The following ADGRB3 variants were observed in gnomAD, a reference collection of about 807,000 sequenced individuals.
ADGRB3 encodes adhesion G protein-coupled receptor B3, also known as brain-specific angiogenesis inhibitor 3.
Under a neutral mutation model 193.4 loss-of-function variants are expected in ADGRB3, and 37 were observed. That is an observed-to-expected ratio of 0.19 (90% CI 0.15 to 0.25). ADGRB3 has a LOEUF of 0.25. Among genes scored for constraint, ADGRB3 ranks in the 10% least tolerant of loss-of-function variants. The pLI, the probability that ADGRB3 is intolerant of heterozygous loss-of-function variation, is 1.00. For missense variants in ADGRB3, 1,637 were observed against 1,852.9 expected, an observed-to-expected ratio of 0.88 and a Z score of 2.14; for synonymous variants, 690 against 644.2, an observed-to-expected ratio of 1.07 and a Z score of -1.08.
At chr6:68,969,368 C>A (rs561040320) in intron 8 of ADGRB3, among the ~76,000 whole-genome samples, 146 of 152,106 alleles carry the variant, frequency 9.6e-4, no homozygotes, top group African/African-American at 3.3e-3. Context: ...AACCACAGAT[C>A]AAAAATATTC....
intron 3 of ADGRB3, among the ~76,000 whole-genome samples, chr6:68,872,543 T>TAATA (rs1765489743): frequency 6.6e-6 from 1 of 152,134 alleles, no homozygotes; most frequent in African/African-American, 2.4e-5. Flanking sequence ...TTCCCTTAAG[T>TAATA]AATAGTGTTA....
At chr6:69,097,019 C>G (rs1772899550) in intron 17 of ADGRB3, among the ~76,000 whole-genome samples, 1 of 152,196 alleles carries the variant, frequency 6.6e-6, no homozygotes, top group African/African-American at 2.4e-5. Flanking sequence ...GAAGCTGACC[C>G]TGATGTCCTC....
chr6:68,980,203 C>G (rs927099833), intron 10 of ADGRB3, among the ~76,000 whole-genome samples: 2 of 151,452 alleles, frequency 1.3e-5, no homozygotes, highest in African/African-American at 4.8e-5. Context: ...ATTAAACAAA[C>G]AAATACAAAT....
rs559772595 is a variant in ADGRB3 at position 69,031,053 on chromosome 6, TCTC to T, written c.2107+12555_2107+12557del. Among the ~76,000 whole-genome samples, 78 of 21,176 alleles carry T rather than the reference TCTC, an allele frequency of 3.7e-3. 8 individuals are homozygous for T. Among genetic ancestry groups the T allele is most frequent in the Admixed American group, 6.7e-3 (16 of 2,396 alleles). The allele number at this position is 21,176 out of a possible 152,430, so 13.9% of individuals were successfully genotyped here. On this transcript the variant is annotated intron_variant, in intron 13 of 31. Coordinates refer to ENST00000370598, the MANE Select transcript of ADGRB3 (RefSeq NM_001704.3). ...TCTTCTCTTCTCTCTTCTCTTCTCT[TCTC>T]TTCTCTTCTCTTCTCTTCTCTTCTC...
intron 13 of ADGRB3, among the ~76,000 whole-genome samples, chr6:69,046,477 G>C (rs1259935089): frequency 3.3e-5 from 5 of 152,146 alleles, no homozygotes; most frequent in Non-Finnish European, 5.9e-5. Flanking sequence ...ACAGCAAAAA[G>C]TATATTGTTT....
chr6:68,913,257 C>A (rs926811477), intron 3 of ADGRB3, among the ~76,000 whole-genome samples: 1 of 152,136 alleles, frequency 6.6e-6, no homozygotes, highest in Admixed American at 6.5e-5. Context: ...GGGTCCCTGA[C>A]CCCTGACCCC....
chr6:69,361,596 ATT>A, intron 29 of ADGRB3, 84 bp downstream of exon 29: 1 of 1,425,378 alleles, frequency 7.0e-7, no homozygotes, highest in Non-Finnish European at 9.5e-7. Context: ...TGGTTGATTG[ATT>A]GATGTGACAC....
At chr6:68,920,392 T>G (rs1767002204) in intron 3 of ADGRB3, among the ~76,000 whole-genome samples, 1 of 150,932 alleles carries the variant, frequency 6.6e-6, no homozygotes, top group Admixed American at 6.6e-5. Context: ...GGTGGTGGGC[T>G]CTGTGGTCCC....
At chr6:69,362,947 A>C (rs1051553670) in intron 29 of ADGRB3, among the ~76,000 whole-genome samples, 1 of 152,054 alleles carries the variant, frequency 6.6e-6, no homozygotes, top group African/African-American at 2.4e-5. Context: ...ATAAGTAATC[A>C]TAATGACTAT....
At chr6:69,051,930 T>C (rs182826443) in intron 15 of ADGRB3, among the ~76,000 whole-genome samples, 1 of 152,368 alleles carries the variant, frequency 6.6e-6, no homozygotes, top group East Asian at 1.9e-4. Context: ...AGTCTCGCTC[T>C]GTTGCCCAGG....
At chr6:69,333,365 G>T (rs940967707) in intron 24 of ADGRB3, among the ~76,000 whole-genome samples, 1 of 152,148 alleles carries the variant, frequency 6.6e-6, no homozygotes, top group Non-Finnish European at 1.5e-5. Flanking sequence ...ATTGAACACA[G>T]TGTTGGTATG....
intron 3 of ADGRB3, among the ~76,000 whole-genome samples, chr6:68,780,483 GT>G (rs1435237194): frequency 3.3e-5 from 5 of 152,096 alleles, no homozygotes; most frequent in Admixed American, 2.6e-4. Flanking sequence ...CCCAAAGGAA[GT>G]CAGGAGGAAA....
At chr6:68,969,660 A>G (rs778110501) in intron 8 of ADGRB3, among the ~76,000 whole-genome samples, 7 of 152,202 alleles carry the variant, frequency 4.6e-5, no homozygotes, top group Admixed American at 2.0e-4. Flanking sequence ...CCAGCTCCTC[A>G]ACTCAGAAAG....
chr6:69,050,938 A>C (rs1771375519), intron 15 of ADGRB3, among the ~76,000 whole-genome samples: 1 of 152,192 alleles, frequency 6.6e-6, no homozygotes, highest in Admixed American at 6.5e-5. Flanking sequence ...GCAATGTTGC[A>C]TTATGATAAT....
chr6:68,786,187 G>T (rs539879666), intron 3 of ADGRB3, among the ~76,000 whole-genome samples: 64 of 152,190 alleles, frequency 4.2e-4, no homozygotes, highest in African/African-American at 1.5e-3. Context: ...TTTCGCTTTT[G>T]TTGCCATTGC....
intron 3 of ADGRB3, among the ~76,000 whole-genome samples, chr6:68,872,864 C>T (rs2150220638): frequency 6.6e-6 from 1 of 152,110 alleles, no homozygotes; most frequent in East Asian, 1.9e-4. Context: ...TTTGGAGACA[C>T]CTGGAAAATA....
At chr6:69,179,628 C>T (rs1363143352) in intron 17 of ADGRB3, among the ~76,000 whole-genome samples, 1 of 152,138 alleles carries the variant, frequency 6.6e-6, no homozygotes, top group African/African-American at 2.4e-5. Context: ...TTGTAATTTT[C>T]TCATGTGGTA....
intron 3 of ADGRB3, among the ~76,000 whole-genome samples, chr6:68,771,702 T>A (rs759100924): frequency 8.6e-5 from 13 of 152,042 alleles, no homozygotes; most frequent in Non-Finnish European, 1.8e-4. Flanking sequence ...ATTTCAAATG[T>A]CATGAAGAAA....
chr6:68,877,903 C>T (rs888895435), intron 3 of ADGRB3, among the ~76,000 whole-genome samples: 2 of 151,870 alleles, frequency 1.3e-5, no homozygotes, highest in Non-Finnish European at 2.9e-5. Context: ...TGAGGTCAAC[C>T]AATTTTGCTT....
Sources: allele counts gnomAD v4.1 joint callset (sites outside exome capture counted in the v4.1 genomes callset), GRCh38; gene constraint gnomAD v4.1.1; transcripts MANE v1.5; gene names NCBI Gene and HGNC (gene_info 2026-07-23, HGNC 2026-07-21).